The following DCAF12L2 variants were observed in gnomAD, a reference collection of about 807,000 sequenced individuals.
DCAF12L2 encodes DDB1 and CUL4 associated factor 12 like 2.
Under a neutral mutation model 20.2 loss-of-function variants are expected in DCAF12L2, and 16 were observed. The ratio of observed to expected loss-of-function variants is 0.79; its 90% CI spans 0.54 to 1.20. The LOEUF (loss-of-function observed/expected upper bound fraction) is 1.20, where lower values mean the gene tolerates loss of function less well. DCAF12L2 is among the 50% of genes most tolerant of loss of function. DCAF12L2 has a pLI of 0.00. For missense variants in DCAF12L2, 355 were observed against 404.8 expected, an observed-to-expected ratio of 0.88 and a Z score of 1.06; for synonymous variants, 195 against 190.0, an observed-to-expected ratio of 1.03 and a Z score of -0.22.
chrX:126,165,008 C>A lies in DCAF12L2; in HGVS notation c.917G>T (p.Cys306Phe). The change falls in exon 1 of 1, where the codon TGC becomes TTC. Residue 306 changes from cysteine to phenylalanine, a missense_variant. Transcript: ENST00000360028. The part of the protein sequence containing the change: ...SRLLSIRLPY[C>F]RENVCLTYCD... Reference sequence around the variant, plus strand: ...GTAGGTCAGGCACACATTCTCTCGGCAGTAGGGCAGCCTGATGGACAGGAG... The same window carrying A: ...GTAGGTCAGGCACACATTCTCTCGGAAGTAGGGCAGCCTGATGGACAGGAG... 1 of 1,212,259 alleles carries A rather than the reference C, an allele frequency of 8.2e-7. No individual in the cohort carries two copies. Among genetic ancestry groups the A allele is most frequent in the Non-Finnish European group, 1.1e-6 (1 of 895,614 alleles).
At position 126,165,376 on chromosome X, in the gene DCAF12L2, G is replaced by C. The variant is rs775766094; in HGVS notation, c.549C>G (p.Asp183Glu). 2.5e-5 allele frequency: 30 copies of C among 1,210,913 alleles called. No homozygotes were observed. Among genetic ancestry groups the C allele is most frequent in the Non-Finnish European group, 3.2e-5 (29 of 895,408 alleles). Residue 183 changes from aspartate (D) to glutamate (E), a missense_variant, in exon 1 of 1, where the codon GAC (aspartate) becomes GAG (glutamate). Coordinates refer to ENST00000360028, the MANE Select transcript of DCAF12L2 (RefSeq NM_001013628.3). ...CATGGCGGTCGCCCAGGCACAGGGG[G>C]TCCAGGGTGGGCAGCTGGTAGATGG... ...SLAIYQLPTLDPLCLGDRHGH... is the reference protein window; with the variant it reads ...SLAIYQLPTLEPLCLGDRHGH...
rs1323651448 is a variant in DCAF12L2 at position 126,164,916 on chromosome X, G to A, written c.1009C>T (p.Arg337Cys). The A allele has an allele frequency of 7.4e-6, 9 of 1,211,195 alleles. No homozygotes were observed. Among genetic ancestry groups the A allele is most frequent in the African/African-American group, 3.5e-5 (2 of 57,627 alleles). ...SHVSFLDPRQ[R>C]QQNIRPLCSR... Reference sequence around the variant, plus strand: ...CACAGGGGCCGGATGTTCTGCTGGCGCTGGCGCGGATCCAGGAAGGAGACG... The same window carrying A: ...CACAGGGGCCGGATGTTCTGCTGGCACTGGCGCGGATCCAGGAAGGAGACG... Residue 337 changes from arginine (R) to cysteine (C), a missense_variant, in exon 1 of 1, where the codon CGC becomes TGC. Physicochemically the swap from Arg to Cys is radical, Grantham distance 180 (BLOSUM62 -3). Coordinates refer to ENST00000360028, the MANE Select transcript of DCAF12L2 (RefSeq NM_001013628.3).
Sources: gnomAD v4.1 joint callset for allele counts on GRCh38, gnomAD v4.1.1 for gene constraint, MANE v1.5 for transcripts, NCBI Gene and HGNC (gene_info 2026-07-23, HGNC 2026-07-21) for gene names.